Variants in FAT4 observed in about 807,000 individuals in gnomAD.
The protein encoded by FAT4 is protocadherin Fat 4.
A neutral mutation model predicts 303.9 loss-of-function variants in FAT4; 84 were observed. That is an observed-to-expected ratio of 0.28 (90% CI 0.23 to 0.33). FAT4 has a LOEUF of 0.33. Among genes scored for constraint, FAT4 ranks in the 10% least tolerant of loss-of-function variants. The pLI is 1.00. For synonymous variants in FAT4, 2,307 were observed against 2,298.8 expected (o/e 1.00, Z -0.10); for missense variants, 6,005 against 6,146.8 (o/e 0.98, Z 0.77).
chr4:125,334,645 A>G (rs2710531), intron 2 of FAT4, among the ~76,000 whole-genome samples: 149,763 of 152,304 alleles, frequency 0.98, 73,654 homozygotes, highest in East Asian at 1. Flanking sequence ...TGTATTTCAT[A>G]TATTACTTTA....
intron 10 of FAT4, among the ~76,000 whole-genome samples, chr4:125,457,894 A>G (rs192343532): frequency 7.4e-4 from 112 of 152,168 alleles, no homozygotes; most frequent in Admixed American, 2.3e-3. Context: ...ACAAATGAAA[A>G]TGTCTTGCAC....
intron 2 of FAT4, among the ~76,000 whole-genome samples, chr4:125,392,943 T>C (rs1242121948): frequency 6.6e-6 from 1 of 152,176 alleles, no homozygotes; most frequent in East Asian, 1.9e-4. Context: ...TTGTTTTTCT[T>C]AGATAAATCA....
intron 2 of FAT4, among the ~76,000 whole-genome samples, chr4:125,341,083 TAGAA>T (rs1303096172): frequency 3.9e-5 from 6 of 152,190 alleles, no homozygotes; most frequent in African/African-American, 1.4e-4. Context: ...ATTATACATT[TAGAA>T]AGAAGATGAG....
chr4:125,448,778 A>G lies in FAT4; in HGVS notation c.7768A>G (p.Thr2590Ala), dbSNP rs1725921413. The change falls in exon 10 of 18, where the codon ACC (threonine) becomes GCC (alanine). Residue 2590 changes from threonine (T) to alanine (A), a missense_variant. By Grantham distance (58) the Thr-to-Ala change is moderately conservative. Coordinates refer to ENST00000394329, the MANE Select transcript of FAT4 (RefSeq NM_001291303.3). ...ENQPVSSLVT[T>A]ITGSSLRGEP... ...CCAACCAGTCAGCTCTCTTGTCACC[A>G]CCATCACAGGATCCTCTTTAAGAGG... is the stretch of plus-strand genomic sequence containing the variant. 3.1e-6 allele frequency: 5 copies of G among 1,611,584 alleles called. No individual in the cohort carries two copies. In the South Asian group the frequency reaches 5.5e-5, roughly 18 times the overall value.
chr4:125,482,912 C>T (rs973376536), intron 16 of FAT4, among the ~76,000 whole-genome samples: 5 of 152,172 alleles, frequency 3.3e-5, no homozygotes, highest in Non-Finnish European at 7.3e-5. Context: ...CTAGTCCAGT[C>T]ATTTCCAACT....
At chr4:125,367,610 T>C (rs1364925515) in intron 2 of FAT4, among the ~76,000 whole-genome samples, 2 of 152,154 alleles carry the variant, frequency 1.3e-5, no homozygotes, top group African/African-American at 4.8e-5. Flanking sequence ...AAAAATAACA[T>C]ACTCTGTAAC....
At chr4:125,484,103 A>G (rs576132665) in intron 16 of FAT4, among the ~76,000 whole-genome samples, 1 of 151,352 alleles carries the variant, frequency 6.6e-6, no homozygotes, top group Non-Finnish European at 1.5e-5. Flanking sequence ...ACACGCAGAC[A>G]GAAGATGAGG....
chr4:125,478,280 G>A (rs780859639), intron 14 of FAT4, among the ~76,000 whole-genome samples: 3 of 152,164 alleles, frequency 2.0e-5, no homozygotes, highest in Middle Eastern at 3.4e-3. Flanking sequence ...ACACTAGTTC[G>A]TTATTATTAT....
chr4:125,416,146 C>T (rs977717678), intron 6 of FAT4, among the ~76,000 whole-genome samples: 13 of 152,088 alleles, frequency 8.5e-5, no homozygotes, highest in South Asian at 6.2e-4. Context: ...TTTGAAACTT[C>T]GTTATAAATA....
chr4:125,425,303 G>A (rs540699090), intron 7 of FAT4, among the ~76,000 whole-genome samples: 10 of 152,222 alleles, frequency 6.6e-5, no homozygotes, highest in African/African-American at 2.2e-4. Flanking sequence ...CTGTTTGTCA[G>A]TGACTACAGG....
At chr4:125,382,384 C>T (rs544938431) in intron 2 of FAT4, among the ~76,000 whole-genome samples, 31 of 152,292 alleles carry the variant, frequency 2.0e-4, no homozygotes, top group Admixed American at 1.9e-3. Flanking sequence ...AAACATTAAT[C>T]TCTTTGCACA....
chr4:125,456,859 T>A (rs1433820455), intron 10 of FAT4, among the ~76,000 whole-genome samples: 1 of 152,140 alleles, frequency 6.6e-6, no homozygotes, highest in Non-Finnish European at 1.5e-5. Flanking sequence ...AAATTACTCA[T>A]AATAGCTAGA....
At chr4:125,447,649 T>C (rs1043991881) in intron 9 of FAT4, among the ~76,000 whole-genome samples, 11 of 152,112 alleles carry the variant, frequency 7.2e-5, no homozygotes, top group African/African-American at 2.7e-4. Context: ...TGTTACCGTT[T>C]CTTCTGTAGG....
At chr4:125,376,759 C>T (rs142657167) in intron 2 of FAT4, among the ~76,000 whole-genome samples, 8 of 151,992 alleles carry the variant, frequency 5.3e-5, no homozygotes, top group East Asian at 1.9e-4. Flanking sequence ...ATTAGTGGGG[C>T]GTGGTGGCGC....
intron 12 of FAT4, among the ~76,000 whole-genome samples, chr4:125,471,312 A>G (rs1023672036): frequency 8.5e-5 from 13 of 152,248 alleles, no homozygotes; most frequent in African/African-American, 3.1e-4. Flanking sequence ...AAGTAAGCAC[A>G]TGCTGTTGGA....
intron 2 of FAT4, among the ~76,000 whole-genome samples, chr4:125,335,936 A>C (rs1056072276): frequency 6.6e-6 from 1 of 152,026 alleles, no homozygotes; most frequent in Non-Finnish European, 1.5e-5. Context: ...TTCCTAAAAG[A>C]CTGTTTGATT....
chr4:125,425,652 A>G (rs1260857546), intron 7 of FAT4, among the ~76,000 whole-genome samples: 6 of 152,160 alleles, frequency 3.9e-5, no homozygotes. Flanking sequence ...AACGTACAAT[A>G]CATATGATAT....
chr4:125,432,548 G>A (rs1172829403), intron 7 of FAT4, among the ~76,000 whole-genome samples: 3 of 152,052 alleles, frequency 2.0e-5, no homozygotes, highest in Non-Finnish European at 4.4e-5. Flanking sequence ...TCTATTTTGT[G>A]TGTGTGAAAT....
At chr4:125,461,733 T>C (rs1047402506) in intron 10 of FAT4, among the ~76,000 whole-genome samples, 1 of 151,940 alleles carries the variant, frequency 6.6e-6, no homozygotes, top group African/African-American at 2.4e-5. Flanking sequence ...AGTAGAATAT[T>C]ACTTTATTGA....
Sources: allele counts gnomAD v4.1 joint callset (sites outside exome capture counted in the v4.1 genomes callset), GRCh38; gene constraint gnomAD v4.1.1; transcripts MANE v1.5; gene names NCBI Gene and HGNC (gene_info 2026-07-23, HGNC 2026-07-21).